Variants in NOSTRIN observed in about 807,000 individuals in gnomAD.
NOSTRIN encodes nitric oxide synthase trafficking, also known as BM247 homolog.
In NOSTRIN, 63 loss-of-function variants were observed where a neutral mutation model predicts 59.0. That is an observed-to-expected ratio of 1.07 (90% CI 0.87 to 1.32). The LOEUF is 1.32. NOSTRIN is among the 40% of genes most tolerant of loss of function. NOSTRIN has a pLI of 0.00. For synonymous variants in NOSTRIN, 200 were observed against 165.4 expected (o/e 1.21, Z -1.61); for missense variants, 512 against 473.1 (o/e 1.08, Z -0.76).
upstream of NOSTRIN, among the ~76,000 whole-genome samples, chr2:168,793,829 A>G (rs1486667729): frequency 6.6e-6 from 1 of 152,108 alleles, no homozygotes; most frequent in East Asian, 1.9e-4. Context: ...GAGATTTATA[A>G]TTTTCTGGAT....
intron 8 of NOSTRIN, among the ~76,000 whole-genome samples, chr2:168,846,343 C>A (rs189510801): frequency 6.6e-6 from 1 of 152,248 alleles, no homozygotes; most frequent in Admixed American, 6.5e-5. Context: ...TTCTTCTGTA[C>A]AAATTGAATA....
chr2:168,854,088 C>G (rs993977731), intron 10 of NOSTRIN, among the ~76,000 whole-genome samples: 1 of 152,120 alleles, frequency 6.6e-6, no homozygotes, highest in African/African-American at 2.4e-5. Flanking sequence ...AGGCTGGTCT[C>G]GAACTCCTGA....
At chr2:168,825,789 C>G (rs1687029585) in intron 3 of NOSTRIN, among the ~76,000 whole-genome samples, 1 of 152,058 alleles carries the variant, frequency 6.6e-6, no homozygotes, top group Non-Finnish European at 1.5e-5. Context: ...TTGTAGAGGT[C>G]TCTTTTGATG....
At position 168,864,962 on chromosome 2, in the gene NOSTRIN, A is replaced by G; in HGVS notation, c.1513A>G (p.Lys505Glu). The G allele has an allele frequency of 2.5e-6, 4 of 1,614,046 alleles. No homozygotes were observed. The highest frequency in any genetic ancestry group is 3.4e-6 in the Non-Finnish European group (4 of 1,179,986). ...LPSNAGNTAT[K>E]A The stretch of plus-strand genomic sequence containing the variant: ...TTCAAATGCTGGCAACACAGCTACA[A>G]AGGCATAAAACAAGACTCTGAACAT... The change falls in exon 16 of 16, where the codon AAG becomes GAG. Residue 505 changes from lysine to glutamate, a missense_variant. By Grantham distance (56) the Lys-to-Glu change is moderately conservative. Coordinates refer to ENST00000317647, the MANE Select transcript of NOSTRIN (RefSeq NM_001039724.4).
At chr2:168,803,602 G>A (rs1305891159) in intron 1 of NOSTRIN, among the ~76,000 whole-genome samples, 2 of 152,138 alleles carry the variant, frequency 1.3e-5, no homozygotes, top group South Asian at 2.1e-4. Flanking sequence ...TGGAACTATA[G>A]TTACTATTGC....
At chr2:168,833,682 C>T (rs1374606258) in intron 6 of NOSTRIN, among the ~76,000 whole-genome samples, 1 of 152,204 alleles carries the variant, frequency 6.6e-6, no homozygotes, top group East Asian at 1.9e-4. Flanking sequence ...CTACTTCTTT[C>T]TACTTCTCCA....
rs1267166835 is a variant in NOSTRIN, at chr2:168,861,980, A to G, written c.1315A>G (p.Ser439Gly). 1.2e-6 allele frequency: 2 copies of G among 1,614,082 alleles called. No individual in the cohort carries two copies. The highest frequency in any genetic ancestry group is 1.7e-5 in the Admixed American group (1 of 60,006). Reference sequence around the variant, plus strand: ...TTCAGCCCCTGGTGCAGCCCAGCTCAGCAGCAGACTTTGCAAGGCCTTGTA... The same window carrying G: ...TTCAGCCCCTGGTGCAGCCCAGCTCGGCAGCAGACTTTGCAAGGCCTTGTA... ...STPAPGAAQLSSRLCKALYSF... is the reference protein window; with the variant it reads ...STPAPGAAQLGSRLCKALYSF... The change falls in exon 15 of 16, where the codon AGC becomes GGC. Residue 439 changes from serine (S) to glycine (G), a missense_variant. Ser to Gly is a moderately conservative substitution (Grantham distance 56, BLOSUM62 0). Transcript: ENST00000317647.
intron 5 of NOSTRIN, among the ~76,000 whole-genome samples, chr2:168,830,209 T>C (rs1687286680): frequency 2.6e-5 from 4 of 152,228 alleles, no homozygotes; most frequent in African/African-American, 9.6e-5. Context: ...ATTTCTTTAG[T>C]ATTTACCATA....
intron 1 of NOSTRIN, among the ~76,000 whole-genome samples, chr2:168,806,134 AC>A (rs1685839571): frequency 6.6e-6 from 1 of 151,718 alleles, no homozygotes; most frequent in Non-Finnish European, 1.5e-5. Context: ...TTGAAACATC[AC>A]CCCCAGTGAA....
intron 1 of NOSTRIN, among the ~76,000 whole-genome samples, chr2:168,805,816 G>A (rs889546128): frequency 1.1e-4 from 17 of 152,236 alleles, no homozygotes; most frequent in African/African-American, 2.4e-4. Context: ...AGATGGTGCC[G>A]GTGCCATGGT....
At chr2:168,797,480 C>T (rs922182602), upstream of NOSTRIN, among the ~76,000 whole-genome samples, 1 of 152,092 alleles carries the variant, frequency 6.6e-6, no homozygotes, top group African/African-American at 2.4e-5. Context: ...GGCAAGAGTT[C>T]ACTCTCTCTG....
At chr2:168,830,532 G>A (rs949259647) in intron 5 of NOSTRIN, among the ~76,000 whole-genome samples, 3 of 152,116 alleles carry the variant, frequency 2.0e-5, no homozygotes, top group Admixed American at 2.0e-4. Context: ...TGTAGCATTC[G>A]CTAGATCTCA....
chr2:168,857,387 G>GGTGT (rs749825107), intron 12 of NOSTRIN, among the ~76,000 whole-genome samples: 11 of 152,314 alleles, frequency 7.2e-5, no homozygotes, highest in Admixed American at 3.3e-4. Context: ...AGGGCAGTCT[G>GGTGT]GTGTGTGAGG....
intron 11 of NOSTRIN, 94 bp from the exon 12 acceptor site, chr2:168,856,596 A>G: frequency 9.3e-7 from 1 of 1,077,272 alleles, no homozygotes; most frequent in East Asian, 2.4e-5. Context: ...TCTCACTGGT[A>G]TCACTTCTAG....
At chr2:168,815,002 G>A (rs1686326630) in intron 2 of NOSTRIN, among the ~76,000 whole-genome samples, 1 of 152,114 alleles carries the variant, frequency 6.6e-6, no homozygotes, top group South Asian at 2.1e-4. Context: ...GTCCTTGGAG[G>A]TATGCATTTC....
chr2:168,861,052 ACT>A, intron 14 of NOSTRIN, 143 bp downstream of exon 14: 1 of 598,984 alleles, frequency 1.7e-6, no homozygotes, highest in Non-Finnish European at 3.0e-6. Flanking sequence ...AATTTGTTAG[ACT>A]CTGTAGCTTT....
At chr2:168,856,838 A>G in intron 12 of NOSTRIN, 60 bp downstream of exon 12, 2 of 1,509,144 alleles carry the variant, frequency 1.3e-6, no homozygotes, top group Admixed American at 1.7e-5. Context: ...TTTTTAGAAT[A>G]CTTGTTTCTG....
At chr2:168,837,242 T>C (rs555533589) in intron 7 of NOSTRIN, among the ~76,000 whole-genome samples, 112 of 152,012 alleles carry the variant, frequency 7.4e-4, no homozygotes, top group Middle Eastern at 3.4e-3. Context: ...TCTCCAGATA[T>C]TGTCATGTCT....
intron 3 of NOSTRIN, 132 bp from the exon 4 acceptor site, chr2:168,828,026 A>G (rs1394289902): frequency 1.5e-6 from 1 of 689,608 alleles, no homozygotes; most frequent in Non-Finnish European, 2.7e-6. Flanking sequence ...AGAGAAATTG[A>G]AATAAGGTTA....
Sources: allele counts gnomAD v4.1 joint callset (sites outside exome capture counted in the v4.1 genomes callset), GRCh38; gene constraint gnomAD v4.1.1; transcripts MANE v1.5; gene names NCBI Gene and HGNC (gene_info 2026-07-23, HGNC 2026-07-21).